DAPK1: variants seen among roughly 807,000 people sequenced by gnomAD.
The protein encoded by DAPK1 is death associated protein kinase 1.
A neutral mutation model predicts 144.9 loss-of-function variants in DAPK1; 56 were observed. The ratio of observed to expected loss-of-function variants is 0.39; its 90% confidence interval spans 0.31 to 0.48. DAPK1 has a LOEUF of 0.48. DAPK1 is among the 20% of genes least tolerant of loss of function. DAPK1 has a pLI of 0.95. For synonymous variants in DAPK1, 690 were observed against 749.0 expected (o/e 0.92, Z 1.29); for missense variants, 1,454 against 1,875.4 (o/e 0.78, Z 4.15).
intron 2 of DAPK1, among the ~76,000 whole-genome samples, chr9:87,600,257 T>G (rs1828470094): frequency 6.6e-6 from 1 of 152,188 alleles, no homozygotes; most frequent in African/African-American, 2.4e-5. Flanking sequence ...CACAAGTGAC[T>G]GTGAAAGTGC....
At chr9:87,548,075 G>A (rs1385776599) in intron 2 of DAPK1, among the ~76,000 whole-genome samples, 2 of 152,194 alleles carry the variant, frequency 1.3e-5, no homozygotes, top group Admixed American at 1.3e-4. Flanking sequence ...GCTTCTGTCA[G>A]ATGAACACTG....
chr9:87,636,760 G>T (rs771690422), intron 3 of DAPK1, among the ~76,000 whole-genome samples: 22 of 152,242 alleles, frequency 1.4e-4, no homozygotes, highest in Non-Finnish European at 2.6e-4. Context: ...GAATACAGCA[G>T]TTTGTGCATA....
chr9:87,605,388 G>T (rs1005940163), intron 3 of DAPK1, among the ~76,000 whole-genome samples: 2 of 152,164 alleles, frequency 1.3e-5, no homozygotes, highest in Non-Finnish European at 2.9e-5. Context: ...CATCACTGTG[G>T]TTCCACCCAG....
At chr9:87,520,934 A>G (rs979476217) in intron 2 of DAPK1, among the ~76,000 whole-genome samples, 2 of 152,228 alleles carry the variant, frequency 1.3e-5, no homozygotes, top group Admixed American at 6.5e-5. Context: ...ATGTAGGCTC[A>G]CAGAATGCTT....
intron 2 of DAPK1, among the ~76,000 whole-genome samples, chr9:87,506,393 C>T (rs1477387724): frequency 2.6e-5 from 4 of 152,228 alleles, no homozygotes; most frequent in Admixed American, 2.0e-4. Context: ...GACCTTCTTT[C>T]CTTTTCCAAA....
intron 2 of DAPK1, among the ~76,000 whole-genome samples, chr9:87,506,507 A>G (rs1824601001): frequency 6.6e-6 from 1 of 152,196 alleles, no homozygotes; most frequent in African/African-American, 2.4e-5. Flanking sequence ...AAACACTTTC[A>G]TTGTTATTTA....
intron 2 of DAPK1, among the ~76,000 whole-genome samples, chr9:87,523,590 G>A (rs1028175617): frequency 5.9e-5 from 9 of 152,142 alleles, no homozygotes; most frequent in Admixed American, 3.3e-4. Context: ...GTGAGCCACC[G>A]TGCCCAGCCC....
chr9:87,698,564 G>T (rs1213271411), intron 22 of DAPK1, 92 bp from the exon 23 acceptor site: 8 of 759,970 alleles, frequency 1.1e-5, no homozygotes, highest in Non-Finnish European at 1.6e-5. Flanking sequence ...AGTCGGCCTG[G>T]GCATGAGGCC....
At chr9:87,657,752 C>T (rs1830678714) in intron 17 of DAPK1, 1 of 440,490 alleles carries the variant, frequency 2.3e-6, no homozygotes, top group East Asian at 4.8e-5. Flanking sequence ...GGACCTTGAG[C>T]CCTTGACTCC....
intron 21 of DAPK1, among the ~76,000 whole-genome samples, chr9:87,688,578 G>A (rs1824949158): frequency 6.6e-6 from 1 of 151,934 alleles, no homozygotes; most frequent in Non-Finnish European, 1.5e-5. Context: ...TTTTCTTCAC[G>A]CCCTCACCAG....
intron 3 of DAPK1, among the ~76,000 whole-genome samples, chr9:87,621,132 G>A (rs1260160370): frequency 1.3e-5 from 2 of 152,194 alleles, no homozygotes; most frequent in Non-Finnish European, 2.9e-5. Context: ...CCTCCTCCAA[G>A]TATTGCCTGG....
chr9:87,662,326 AC>A (rs1686047910), intron 18 of DAPK1, among the ~76,000 whole-genome samples: 1 of 152,038 alleles, frequency 6.6e-6, no homozygotes. Flanking sequence ...TTTCATATGA[AC>A]TTTAGAGTTG....
At chr9:87,675,060 A>G (rs567454017) in intron 19 of DAPK1, among the ~76,000 whole-genome samples, 16 of 152,308 alleles carry the variant, frequency 1.1e-4, no homozygotes, top group Admixed American at 5.9e-4. Flanking sequence ...AAGTCAGGTC[A>G]AGGGGTGGCA....
chr9:87,668,733 A>G lies in DAPK1; in HGVS notation c.2001+59A>G, dbSNP rs148699595. On this transcript the variant is annotated intron_variant, in intron 19 of 25. Coordinates refer to ENST00000408954, the MANE Select transcript of DAPK1 (RefSeq NM_004938.4). ...ACCTGTGTTTATGTGAAAAAGTCTC[A>G]GTCTTTTTCCTTATTTGAGAATGAG... The G allele has an allele frequency of 1.4e-3, 1,267 of 886,124 alleles. 11 individuals carry two copies. In the African/African-American group the frequency reaches 0.016, roughly 12 times the overall value. 54.9% of individuals were successfully genotyped at this position (886,124 alleles called of 1,614,324 possible).
At chr9:87,498,604 C>T (rs945836618) in intron 1 of DAPK1, 5 of 296,404 alleles carry the variant, frequency 1.7e-5, no homozygotes, top group Non-Finnish European at 3.1e-5. Context: ...ACCGTCTGGG[C>T]GAGGGCTTCA....
At chr9:87,647,493 C>A in intron 14 of DAPK1, 90 bp downstream of exon 14, 2 of 1,072,762 alleles carry the variant, frequency 1.9e-6, no homozygotes, top group Non-Finnish European at 1.4e-6. Flanking sequence ...CATCGGGACC[C>A]AAAGGAAAGG....
At chr9:87,683,207 C>CA (rs1222173681) in intron 20 of DAPK1, among the ~76,000 whole-genome samples, 1 of 151,846 alleles carries the variant, frequency 6.6e-6, no homozygotes, top group Non-Finnish European at 1.5e-5. Flanking sequence ...CTCAGCCTCC[C>CA]AGGTGGCTGG....
intron 11 of DAPK1, 39 bp from the exon 12 acceptor site, chr9:87,645,856 C>A: frequency 1.2e-6 from 2 of 1,605,122 alleles, no homozygotes; most frequent in Non-Finnish European, 1.7e-6. Context: ...GCATGGCTAG[C>A]AATGTAACTC....
intron 2 of DAPK1, among the ~76,000 whole-genome samples, chr9:87,595,874 A>T (rs1211826376): frequency 6.6e-6 from 1 of 152,104 alleles, no homozygotes; most frequent in Non-Finnish European, 1.5e-5. Context: ...TGCCGTGGCA[A>T]CCTGAGCTGC....
Sources: allele counts gnomAD v4.1 joint callset (sites outside exome capture counted in the v4.1 genomes callset), GRCh38; gene constraint gnomAD v4.1.1; transcripts MANE v1.5; gene names NCBI Gene and HGNC (gene_info 2026-07-23, HGNC 2026-07-21).